RBBP6: variants seen among roughly 807,000 people sequenced by gnomAD.
RBBP6 encodes E3 ubiquitin-protein ligase RBBP6.
A neutral mutation model predicts 167.7 loss-of-function variants in RBBP6; 25 were observed. That is an observed-to-expected ratio of 0.15 (90% CI 0.11 to 0.21). The LOEUF (loss-of-function observed/expected upper bound fraction) is 0.21. Ranked by LOEUF, RBBP6 falls within the 10% of genes least tolerant of loss-of-function variation. RBBP6 has a pLI of 1.00. For missense variants in RBBP6, 1,868 were observed against 2,134.2 expected (o/e 0.88, Z 2.46); for synonymous variants, 789 against 735.8 (o/e 1.07, Z -1.17).
rs147378926 is a variant in RBBP6, at chr16:24,562,106, A to G, written c.1234A>G (p.Ile412Val). The change falls in exon 10 of 18, where the codon ATA (isoleucine) becomes GTA (valine). Residue 412 changes from isoleucine to valine, a missense_variant. Ile to Val is a conservative substitution (Grantham distance 29, BLOSUM62 3). Transcript: ENST00000319715. Reference sequence around the variant, plus strand: ...TTCTGCTCCAGCTCCTGTACCTGATATAACTGCAACAGTATCCATATCAGT... The same window carrying G: ...TTCTGCTCCAGCTCCTGTACCTGATGTAACTGCAACAGTATCCATATCAGT... The part of the protein sequence containing the change: ...PSSAPAPVPD[I>V]TATVSISVHS... The G allele has an allele frequency of 2.5e-6, 4 of 1,613,392 alleles. No individual in the cohort carries two copies. The highest frequency in any genetic ancestry group is 3.4e-6 in the Non-Finnish European group (4 of 1,179,714).
intron 1 of RBBP6, among the ~76,000 whole-genome samples, chr16:24,543,080 C>T (rs1169558799): frequency 6.6e-6 from 1 of 152,018 alleles, no homozygotes; most frequent in Non-Finnish European, 1.5e-5. Context: ...AAATAGTATC[C>T]AATGTCACAA....
At position 24,540,746 on chromosome 16, in the gene RBBP6, A is replaced by G. The variant is rs372800213; in HGVS notation, c.120A>G (p.Lys40=). 11 of 1,614,010 alleles carry G rather than the reference A, an allele frequency of 6.8e-6. No homozygotes were observed. The African/African-American group carries it at 1.1e-4, about 16-fold the overall frequency. The change falls in exon 1 of 18, where the codon AAA becomes AAG. Residue 40 remains lysine (K), a synonymous_variant. Coordinates refer to ENST00000319715, the MANE Select transcript of RBBP6 (RefSeq NM_006910.5). ...KKQIMGREKL[K]AADCDLQITN... is the part of the protein sequence containing the mutation. The stretch of plus-strand genomic sequence containing the variant: ...AGATTATGGGGAGAGAGAAGCTGAA[A>G]GCTGCCGACTGCGACCTGCAGATCA...
intron 3 of RBBP6, chr16:24,553,168 C>T (rs1485355001): frequency 1.7e-5 from 3 of 179,378 alleles, no homozygotes; most frequent in Admixed American, 6.0e-5. Flanking sequence ...TTCTTATTCT[C>T]TCTTCCAGTG....
intron 2 of RBBP6, among the ~76,000 whole-genome samples, chr16:24,548,053 T>C (rs968261852): frequency 2.0e-5 from 3 of 152,012 alleles, no homozygotes; most frequent in African/African-American, 7.2e-5. Context: ...TATCTCAAAT[T>C]CCAAATTATA....
chr16:24,572,524 T>G lies in RBBP6; in HGVS notation c.*79T>G. 1 of 1,439,476 alleles carries G rather than the reference T, an allele frequency of 6.9e-7. No homozygotes were observed. The highest frequency in any genetic ancestry group is 9.1e-7 in the Non-Finnish European group (1 of 1,099,362). 89.2% of individuals were successfully genotyped at this position (1,439,476 alleles called of 1,614,324 possible). A position where few individuals can be genotyped will look rare whatever the true frequency, so the allele number is the denominator to read the frequency against. On this transcript the variant is annotated 3_prime_UTR_variant, in exon 18 of 18. Transcript: ENST00000319715. Reference sequence around the variant, plus strand: ...GTTATAATGTAAAGAGATTCAAGCCTTGTAAATAATGACATGGAAGACCCT... The same window carrying G: ...GTTATAATGTAAAGAGATTCAAGCCGTGTAAATAATGACATGGAAGACCCT...
At chr16:24,561,338 G>C (rs1307879348) in intron 8 of RBBP6, among the ~76,000 whole-genome samples, 1 of 151,848 alleles carries the variant, frequency 6.6e-6, no homozygotes, top group African/African-American at 2.4e-5. Flanking sequence ...TGATTCTCCT[G>C]TCCCAGCCTC....
chr16:24,547,231 C>T (rs1430235291), intron 2 of RBBP6, among the ~76,000 whole-genome samples: 4 of 152,156 alleles, frequency 2.6e-5, no homozygotes, highest in Admixed American at 6.5e-5. Flanking sequence ...AGCTTTACCT[C>T]ATATGGGCAA....
Position 24,553,498 on chromosome 16 carries a change from A to AT in RBBP6, c.304-9dup, listed in dbSNP as rs768432177. The AT allele has an allele frequency of 6.2e-7, 1 of 1,609,232 alleles. No homozygotes were observed. The highest frequency in any genetic ancestry group is 1.1e-5 in the South Asian group (1 of 90,744). On this transcript the variant is annotated splice_polypyrimidine_tract_variant and intron_variant, in intron 3 of 17. Coordinates refer to ENST00000319715, the MANE Select transcript of RBBP6 (RefSeq NM_006910.5). ...AGTTTGGAACTTGAATGTGTGTTTA[A>AT]TTTTTTGTGAACAGATTGATGACTC...
At position 24,569,641 on chromosome 16, in the gene RBBP6, C is replaced by T. The variant is rs925408742; in HGVS notation, c.2951C>T (p.Thr984Ile). 1.9e-6 allele frequency: 3 copies of T among 1,612,774 alleles called. No homozygotes were observed. The highest frequency in any genetic ancestry group is 2.5e-6 in the Non-Finnish European group (3 of 1,179,766). ...LFVLPSRDDA[T>I]PVRDEPMDAE... ...GTTCTCCCAAGTAGAGATGATGCCA[C>T]ACCTGTTAGAGATGAACCAATGGAT... The change falls in exon 17 of 18, where the codon ACA becomes ATA. Residue 984 changes from threonine to isoleucine, a missense_variant. This residue lies in a region of RBBP6 where 673 missense variants were observed against 691.5 expected (regional missense o/e 0.97). Transcript: ENST00000319715.
rs1352514638 is a variant in RBBP6 at position 24,567,158 on chromosome 16, G to T, written c.1605G>T (p.Gly535=). The T allele has an allele frequency of 3.1e-6, 5 of 1,613,160 alleles. No homozygotes were observed. Among genetic ancestry groups the T allele is most frequent in the East Asian group, 4.5e-5 (2 of 44,868 alleles). The change falls in exon 15 of 18, where the codon GGG becomes GGT. Residue 535 remains glycine (G), a synonymous_variant. Transcript: ENST00000319715. ...ERSCYRSINR[G]RHHSERSQRT... is the part of the protein sequence containing the mutation. ...ATTTTTCCAGAAGTATAAACCGTGG[G>T]CGACACCACAGCGAAAGATCACAGA... is the stretch of plus-strand genomic sequence containing the variant.
intron 9 of RBBP6, 51 bp from the exon 10 acceptor site, chr16:24,561,773 C>T (rs754324590): frequency 5.6e-6 from 9 of 1,605,094 alleles, no homozygotes; most frequent in African/African-American, 4.0e-5. Context: ...AACTGTACTT[C>T]AGTGAATACT....
rs758145892 is a variant in RBBP6, at chr16:24,568,822, G to A, written c.2132G>A (p.Arg711His). ...TYSKSRSGST[R>H]SRSYSRSFSR... is the part of the protein sequence containing the mutation. ...TCTAAATCAAGATCTGGTTCAACAC[G>A]TTCACGCTCTTATTCTCGATCATTC... is the stretch of plus-strand genomic sequence containing the variant. The change falls in exon 17 of 18, where the codon CGT (arginine) becomes CAT (histidine). Residue 711 changes from arginine (R) to histidine (H), a missense_variant. Arg to His is a conservative substitution (Grantham distance 29). Around this residue, in one of 7 missense-constraint regions of RBBP6, gnomAD observed 673 missense variants for 691.5 expected, o/e 0.97. Transcript: ENST00000319715. 3.7e-5 allele frequency: 59 copies of A among 1,614,060 alleles called. No homozygotes were observed. Among genetic ancestry groups the A allele is most frequent in the Non-Finnish European group, 4.3e-5 (51 of 1,180,054 alleles).
In RBBP6 at chr16:24,569,292, C is replaced by G; in HGVS notation, c.2602C>G (p.Leu868Val). Residue 868 changes from leucine to valine, a missense_variant, in exon 17 of 18, where the codon CTT becomes GTT. By Grantham distance (32) the Leu-to-Val change is conservative (BLOSUM62 1). Transcript: ENST00000319715. ...CTTTTCTCCAGAGAGATTTTTGCCA[C>G]TTAACATCAGGAATTCTCCCTTCAC... ...ENFSPERFLP[L>V]NIRNSPFTRG... 1 of 1,612,066 alleles carries G rather than the reference C, an allele frequency of 6.2e-7. No homozygotes were observed. The highest frequency in any genetic ancestry group is 8.5e-7 in the Non-Finnish European group (1 of 1,179,556).
At chr16:24,545,553 T>C (rs1898623630) in intron 1 of RBBP6, among the ~76,000 whole-genome samples, 1 of 152,204 alleles carries the variant, frequency 6.6e-6, no homozygotes. Flanking sequence ...ACATGCTTTT[T>C]TTATCCTTTG....
At chr16:24,556,171 GT>G in intron 6 of RBBP6, 136 bp from the exon 7 acceptor site, 1 of 757,584 alleles carries the variant, frequency 1.3e-6, no homozygotes, top group Non-Finnish European at 2.1e-6. Context: ...TCACATAGCA[GT>G]TACAAGGATT....
intron 1 of RBBP6, among the ~76,000 whole-genome samples, chr16:24,542,086 T>C (rs538046761): frequency 4.1e-4 from 63 of 152,368 alleles, no homozygotes; most frequent in African/African-American, 1.4e-3. Context: ...TACTGTCTGC[T>C]TCCCCACCTT....
At chr16:24,547,947 A>G (rs1898698585) in intron 2 of RBBP6, among the ~76,000 whole-genome samples, 1 of 152,206 alleles carries the variant, frequency 6.6e-6, no homozygotes, top group Non-Finnish European at 1.5e-5. Context: ...TTAATGTACA[A>G]TATATAGGGT....
intron 2 of RBBP6, among the ~76,000 whole-genome samples, chr16:24,547,627 T>A (rs1264129451): frequency 6.6e-6 from 1 of 152,142 alleles, no homozygotes; most frequent in Non-Finnish European, 1.5e-5. Context: ...GGCCAATTTT[T>A]GGATTTTTAG....
Position 24,569,987 on chromosome 16 carries a change from C to T in RBBP6, c.3297C>T (p.His1099=). ...RKAHSKSAKE[H]QETKPVKEEK... Reference sequence around the variant, plus strand: ...CTCACTCTAAATCAGCAAAAGAACACCAAGAAACAAAACCAGTCAAAGAGG... The same window carrying T: ...CTCACTCTAAATCAGCAAAAGAACATCAAGAAACAAAACCAGTCAAAGAGG... The change falls in exon 17 of 18, where the codon CAC becomes CAT. Residue 1099 remains histidine (H), a synonymous_variant. Coordinates refer to ENST00000319715, the MANE Select transcript of RBBP6 (RefSeq NM_006910.5). 1 of 1,596,152 alleles carries T rather than the reference C, an allele frequency of 6.3e-7. No individual in the cohort carries two copies. Among genetic ancestry groups the T allele is most frequent in the Non-Finnish European group, 8.5e-7 (1 of 1,175,776 alleles).
Sources: gnomAD v4.1 joint callset for allele counts (sites outside exome capture counted in the v4.1 genomes callset) on GRCh38, gnomAD v4.1.1 for gene constraint, gnomAD v4.1.1 regional missense constraint, MANE v1.5 for transcripts, NCBI Gene and HGNC (gene_info 2026-07-23, HGNC 2026-07-21) for gene names.